The following CAPG variants were observed in gnomAD, a reference collection of about 807,000 sequenced individuals.
The protein encoded by CAPG is macrophage-capping protein.
Under a neutral mutation model 44.6 loss-of-function variants are expected in CAPG, and 32 were observed. The observed-to-expected ratio is 0.72, with a 90% confidence interval of 0.54 to 0.96. CAPG has a LOEUF of 0.96. Ranked by LOEUF, CAPG falls within the 50% of genes least tolerant of loss-of-function variation. CAPG has a pLI of 0.00. For synonymous variants in CAPG, 175 were observed against 179.6 expected (o/e 0.97, Z 0.20); for missense variants, 412 against 438.3 (o/e 0.94, Z 0.54).
rs367763988 is a variant in CAPG, at chr2:85,401,565, G to A, written c.315C>T (p.Leu105=). The A allele has an allele frequency of 5.6e-6, 9 of 1,614,200 alleles. No individual in the cohort carries two copies. The highest frequency in any genetic ancestry group is 7.6e-6 in the Non-Finnish European group (9 of 1,180,028). The change falls in exon 4 of 10, where the codon CTC becomes CTT. Residue 105 remains leucine (L), a synonymous_variant. Transcript: ENST00000263867. ...GGCCCCGTGGGAAGTAGCTCATGAA[G>A]AGGTCAGACTCATTGCCCTGCACCT... ...HREVQGNESD[L]FMSYFPRGLK...
intron 5 of CAPG, 123 bp from the exon 6 acceptor site, chr2:85,399,408 G>A (rs1686772523): frequency 9.7e-7 from 1 of 1,032,090 alleles, no homozygotes; most frequent in Non-Finnish European, 1.4e-6. Flanking sequence ...GGACAACCAG[G>A]AAGGCAGAGC....
downstream of CAPG, among the ~76,000 whole-genome samples, chr2:85,392,636 T>C (rs1486655443): frequency 6.6e-6 from 1 of 152,204 alleles, no homozygotes; most frequent in Non-Finnish European, 1.5e-5. Flanking sequence ...GTCAGCAGGA[T>C]GCCTCAAGGG....
upstream of CAPG, among the ~76,000 whole-genome samples, chr2:85,415,350 C>G (rs1037338723): frequency 6.6e-6 from 1 of 152,246 alleles, no homozygotes; most frequent in African/African-American, 2.4e-5. Context: ...GACAACTAGG[C>G]CTCTCCAAGG....
rs184453755 is a variant in CAPG, at chr2:85,416,200, A to C, written c.-14+2067T>G. Among the ~76,000 whole-genome samples, 13 of 152,348 alleles carry C rather than the reference A, an allele frequency of 8.5e-5. No homozygotes were observed. The East Asian group carries it at 2.1e-3, about 25-fold the overall frequency. Reference sequence around the variant, plus strand: ...AGGTCTGGGGATGTCCAGGACAATCAGCTTTCTGCTTCTGTGCCCATAAAC... The same window carrying C: ...AGGTCTGGGGATGTCCAGGACAATCCGCTTTCTGCTTCTGTGCCCATAAAC... On this transcript the variant is annotated intron_variant, in intron 1 of 5. Transcript: ENST00000409275.
chr2:85,409,379 A>G (rs1687316615), intron 1 of CAPG, among the ~76,000 whole-genome samples: 1 of 152,164 alleles, frequency 6.6e-6, no homozygotes, highest in Non-Finnish European at 1.5e-5. Flanking sequence ...CTTTGAGGAC[A>G]CACTGGGGGA....
At chr2:85,401,482 C>G in intron 4 of CAPG, 47 bp downstream of exon 4, 1 of 1,606,778 alleles carries the variant, frequency 6.2e-7, no homozygotes, top group Non-Finnish European at 8.5e-7. Context: ...GCAGGGCTGG[C>G]TCTGAGGGAA....
At chr2:85,405,551 C>T (rs1687105750) in intron 1 of CAPG, among the ~76,000 whole-genome samples, 1 of 151,806 alleles carries the variant, frequency 6.6e-6, no homozygotes, top group Non-Finnish European at 1.5e-5. Flanking sequence ...CCAGGGAAGT[C>T]AGGGGTAGGG....
Position 85,399,264 on chromosome 2 carries a change from C to T in CAPG, c.538G>A (p.Gly180Arg), listed in dbSNP as rs758842104. 9.3e-6 allele frequency: 15 copies of T among 1,614,170 alleles called. No homozygotes were observed. Among genetic ancestry groups the T allele is most frequent in the Non-Finnish European group, 1.3e-5 (15 of 1,180,016 alleles). Reference protein sequence around the residue: ...LGQNIFAWCGGKSNILERNKA... With the variant: ...LGQNIFAWCGRKSNILERNKA... ...TTGCGTTCCAGGATGTTGGACTTTCCACCACACCAGGCGAAGATGTTCTGC... is the reference window on the plus strand; with the variant it reads ...TTGCGTTCCAGGATGTTGGACTTTCTACCACACCAGGCGAAGATGTTCTGC... The change falls in exon 6 of 10, where the codon GGA becomes AGA. Residue 180 changes from glycine (G) to arginine (R), a missense_variant. By Grantham distance (125) the Gly-to-Arg change is moderately radical. Transcript: ENST00000263867.
chr2:85,403,084 A>C (rs1361227253), intron 1 of CAPG, among the ~76,000 whole-genome samples: 1 of 152,072 alleles, frequency 6.6e-6, no homozygotes, highest in African/African-American at 2.4e-5. Flanking sequence ...TGTTTTTTTA[A>C]ACCGATAAAA....
intron 2 of CAPG, 67 bp from the exon 3 acceptor site, chr2:85,402,024 T>C (rs2104811549): frequency 1.2e-6 from 2 of 1,610,738 alleles, no homozygotes; most frequent in South Asian, 1.1e-5. Context: ...TGGGCAGGCC[T>C]GGCGACTGCA....
chr2:85,405,359 T>C (rs952334272), intron 1 of CAPG, among the ~76,000 whole-genome samples: 5 of 152,218 alleles, frequency 3.3e-5, no homozygotes, highest in Admixed American at 2.0e-4. Flanking sequence ...AGAGCCAGCA[T>C]GCACTTCGTA....
At chr2:85,410,685 G>A (rs986486393), upstream of CAPG, 3 of 152,502 alleles carry the variant, frequency 2.0e-5, no homozygotes, top group African/African-American at 7.2e-5. Context: ...GGAAAGCCAT[G>A]TTCTCCATTC....
chr2:85,417,470 C>G (rs2104869545), intron 1 of CAPG, among the ~76,000 whole-genome samples: 1 of 147,064 alleles, frequency 6.8e-6, no homozygotes, highest in East Asian at 2.0e-4. Context: ...AAACAGCTAT[C>G]TCAGCTCTTT....
chr2:85,406,488 A>G (rs1230390447), intron 1 of CAPG, among the ~76,000 whole-genome samples: 1 of 152,094 alleles, frequency 6.6e-6, no homozygotes, highest in Non-Finnish European at 1.5e-5. Context: ...ATAATCGTGG[A>G]TATCTGATTG....
chr2:85,401,147 T>C lies in CAPG; in HGVS notation c.516+18A>G. On this transcript the variant is annotated intron_variant, in intron 5 of 9. Transcript: ENST00000263867. ...GATGGTGCCAATACGGAGTGCTCAG[T>C]CTGGCCAGCCTACCCACCTGGCCCA... 1 of 1,611,838 alleles carries C rather than the reference T, an allele frequency of 6.2e-7. No individual in the cohort carries two copies. Among genetic ancestry groups the C allele is most frequent in the Admixed American group, 1.7e-5 (1 of 59,914 alleles).
At chr2:85,397,391 G>A in intron 8 of CAPG, among the ~76,000 whole-genome samples, 1 of 152,198 alleles carries the variant, frequency 6.6e-6, no homozygotes, top group East Asian at 1.9e-4. Context: ...CAGAGCCATT[G>A]TCTAGAATTT....
chr2:85,397,848 T>C (rs1248838422), intron 8 of CAPG, among the ~76,000 whole-genome samples, 172 bp downstream of exon 8: 1 of 152,116 alleles, frequency 6.6e-6, no homozygotes, highest in East Asian at 1.9e-4. Flanking sequence ...AAAGAACCCA[T>C]CTCTATCTTT....
chr2:85,395,621 T>C lies in CAPG; in HGVS notation c.898A>G (p.Lys300Glu). ...CGKIYIWKGR[K>E]ANEKERQAAL... ...GCCTGCCGCTCCTTCTCATTCGCTT[T>C]TCGCCCTAGATCATAGGAAGGAGAT... The change falls in exon 9 of 10, where the codon AAA (lysine) becomes GAA (glutamate). Residue 300 changes from lysine (K) to glutamate (E), a missense_variant. Coordinates refer to ENST00000263867, the MANE Select transcript of CAPG (RefSeq NM_001747.4). The surrounding 1 kb of genome is among the most constrained non-coding windows in gnomAD (Gnocchi z 4.3). The C allele has an allele frequency of 1.2e-6, 2 of 1,613,228 alleles. No homozygotes were observed. Among genetic ancestry groups the C allele is most frequent in the Non-Finnish European group, 1.7e-6 (2 of 1,179,502 alleles).
chr2:85,394,857 G>T lies in CAPG; in HGVS notation c.*36C>A, dbSNP rs769284015. On this transcript the variant is annotated 3_prime_UTR_variant, in exon 10 of 10. Coordinates refer to ENST00000263867, the MANE Select transcript of CAPG (RefSeq NM_001747.4). ...AGAGAAGCAAGCAGGCAGGTGGTGGGGGGCAGGGGAGCATGGGGCAGGAAG... is the reference window on the plus strand; with the variant it reads ...AGAGAAGCAAGCAGGCAGGTGGTGGTGGGCAGGGGAGCATGGGGCAGGAAG... The T allele has an allele frequency of 1.3e-6, 2 of 1,516,428 alleles. No individual in the cohort carries two copies. The highest frequency in any genetic ancestry group is 2.2e-5 in the East Asian group (1 of 44,488). 93.9% of individuals were successfully genotyped at this position (1,516,428 alleles called of 1,614,324 possible).
Sources: allele counts gnomAD v4.1 joint callset (sites outside exome capture counted in the v4.1 genomes callset), GRCh38; gene constraint gnomAD v4.1.1; non-coding constraint Gnocchi (gnomAD v3.1); transcripts MANE v1.5; gene names NCBI Gene and HGNC (gene_info 2026-07-23, HGNC 2026-07-21).